Variants in UVRAG observed in about 807,000 individuals in gnomAD.
UVRAG encodes the protein UV radiation resistance-associated gene protein.
Under a neutral mutation model 78.0 loss-of-function variants are expected in UVRAG, and 19 were observed. That is an observed-to-expected ratio of 0.24 (90% CI 0.17 to 0.36). The LOEUF is 0.36. Ranked by LOEUF, UVRAG falls within the 10% of genes least tolerant of loss-of-function variation. The pLI is 1.00. For missense variants in UVRAG, 740 were observed against 853.8 expected, an observed-to-expected ratio of 0.87 and a Z score of 1.66; for synonymous variants, 323 against 324.6, an observed-to-expected ratio of 1.00 and a Z score of 0.05.
At chr11:76,010,923 C>T (rs1402547988) in intron 11 of UVRAG, among the ~76,000 whole-genome samples, 1 of 152,042 alleles carries the variant, frequency 6.6e-6, no homozygotes, top group Non-Finnish European at 1.5e-5. Context: ...TGAGGGACTT[C>T]AAGAAGCAGG....
chr11:75,914,837 A>C (rs1377394589), intron 6 of UVRAG, among the ~76,000 whole-genome samples: 1 of 150,962 alleles, frequency 6.6e-6, no homozygotes, highest in Non-Finnish European at 1.5e-5. Flanking sequence ...ATTAATTTTC[A>C]CTGTACTGTT....
intron 5 of UVRAG, among the ~76,000 whole-genome samples, chr11:75,902,895 A>G (rs1228290217): frequency 6.6e-6 from 1 of 152,142 alleles, no homozygotes; most frequent in East Asian, 1.9e-4. Context: ...TGCCTGATTA[A>G]TCTTGCTAAA....
At chr11:76,061,875 G>T (rs1172525194) in intron 12 of UVRAG, among the ~76,000 whole-genome samples, 1 of 152,150 alleles carries the variant, frequency 6.6e-6, no homozygotes, top group African/African-American at 2.4e-5. Flanking sequence ...TAACATCTTG[G>T]AGTTGGAGGA....
chr11:76,018,335 G>C (rs1950183486), intron 12 of UVRAG, among the ~76,000 whole-genome samples: 1 of 151,540 alleles, frequency 6.6e-6, no homozygotes, highest in African/African-American at 2.4e-5. Context: ...AAAAAAAAAA[G>C]ATAGAGCTTT....
At chr11:76,123,091 A>G (rs752663289) in intron 14 of UVRAG, among the ~76,000 whole-genome samples, 1 of 152,168 alleles carries the variant, frequency 6.6e-6, no homozygotes, top group Non-Finnish European at 1.5e-5. Context: ...TTTTTACCAT[A>G]TCACAGTGCC....
chr11:75,900,592 A>G (rs1947471920), intron 5 of UVRAG, among the ~76,000 whole-genome samples: 1 of 152,182 alleles, frequency 6.6e-6, no homozygotes, highest in Non-Finnish European at 1.5e-5. Flanking sequence ...GAAGTCTACT[A>G]GGATCACGTT....
intron 14 of UVRAG, among the ~76,000 whole-genome samples, chr11:76,139,538 A>G (rs995634088): frequency 5.9e-5 from 9 of 152,012 alleles, no homozygotes; most frequent in African/African-American, 1.9e-4. Flanking sequence ...AAGCCACTTA[A>G]CCCTCTATGC....
At chr11:75,920,008 GTTTT>G (rs140217190) in intron 6 of UVRAG, among the ~76,000 whole-genome samples, 93 of 55,474 alleles carry the variant, frequency 1.7e-3, no homozygotes, top group Non-Finnish European at 2.1e-3. Flanking sequence ...AATAATTTTG[GTTTT>G]TTTTTTTTTT....
At chr11:76,061,752 A>T (rs1423012714) in intron 12 of UVRAG, among the ~76,000 whole-genome samples, 1 of 152,164 alleles carries the variant, frequency 6.6e-6, no homozygotes, top group East Asian at 1.9e-4. Flanking sequence ...AAGAACTGTA[A>T]CACTCACCGC....
At chr11:75,998,328 G>C (rs949513758) in intron 8 of UVRAG, among the ~76,000 whole-genome samples, 4 of 152,150 alleles carry the variant, frequency 2.6e-5, no homozygotes, top group African/African-American at 9.7e-5. Context: ...AGGATCATCA[G>C]ATATTTGAGG....
At chr11:75,936,385 G>A (rs1048299023) in intron 6 of UVRAG, among the ~76,000 whole-genome samples, 47 of 152,176 alleles carry the variant, frequency 3.1e-4, no homozygotes, top group African/African-American at 1.1e-3. Flanking sequence ...TTAAATGATA[G>A]TTGCCAAATG....
intron 5 of UVRAG, among the ~76,000 whole-genome samples, chr11:75,910,726 C>T (rs1263091362): frequency 2.0e-5 from 3 of 152,094 alleles, no homozygotes. Flanking sequence ...TTTATCATTA[C>T]TGAACTCAGT....
At chr11:75,868,376 A>G (rs537511861) in intron 3 of UVRAG, among the ~76,000 whole-genome samples, 1 of 152,260 alleles carries the variant, frequency 6.6e-6, no homozygotes, top group East Asian at 1.9e-4. Context: ...AGACAGAGAG[A>G]CAGGTGCAAG....
chr11:75,849,228 G>A (rs1946100663), intron 1 of UVRAG, among the ~76,000 whole-genome samples: 2 of 151,322 alleles, frequency 1.3e-5, no homozygotes, highest in Admixed American at 6.6e-5. Context: ...TGATGGACGG[G>A]CGGGTGGTGG....
chr11:75,969,132 T>A (rs1949080500), intron 7 of UVRAG, among the ~76,000 whole-genome samples: 1 of 152,310 alleles, frequency 6.6e-6, no homozygotes, highest in South Asian at 2.1e-4. Context: ...CATTAAACAC[T>A]AACTCCTCGC....
chr11:76,120,943 TC>T (rs1197672608), intron 14 of UVRAG, among the ~76,000 whole-genome samples: 9 of 152,178 alleles, frequency 5.9e-5, no homozygotes, highest in Non-Finnish European at 1.2e-4. Flanking sequence ...GCAAAACACT[TC>T]CATTTTCTGT....
intron 13 of UVRAG, among the ~76,000 whole-genome samples, chr11:76,102,236 G>A (rs756386458): frequency 5.9e-5 from 9 of 151,846 alleles, no homozygotes; most frequent in African/African-American, 1.2e-4. Flanking sequence ...CTCCATTTGC[G>A]TCATCTTGAT....
chr11:76,098,697 T>C (rs1214130972), intron 13 of UVRAG, among the ~76,000 whole-genome samples: 1 of 152,108 alleles, frequency 6.6e-6, no homozygotes, highest in African/African-American at 2.4e-5. Context: ...CAAAGAGTAA[T>C]ATTTAAATAC....
chr11:76,088,170 C>A (rs1485434573), intron 13 of UVRAG, among the ~76,000 whole-genome samples: 1 of 152,148 alleles, frequency 6.6e-6, no homozygotes, highest in Non-Finnish European at 1.5e-5. Context: ...CATGAGCCAC[C>A]ACATCCAGCC....
Sources: gnomAD v4.1 joint callset for allele counts (sites outside exome capture counted in the v4.1 genomes callset) on GRCh38, gnomAD v4.1.1 for gene constraint, MANE v1.5 for transcripts, NCBI Gene and HGNC (gene_info 2026-07-23, HGNC 2026-07-21) for gene names.